Variants in UNC13C observed in about 807,000 individuals in gnomAD.
UNC13C encodes unc-13 homolog C, also known as protein unc-13 homolog C.
A neutral mutation model predicts 245.4 loss-of-function variants in UNC13C; 174 were observed. That is an observed-to-expected ratio of 0.71 (90% CI 0.63 to 0.80). The LOEUF is 0.80. UNC13C is among the 30% of genes least tolerant of loss of function. The probability of loss-of-function intolerance (pLI) is 0.00; values close to 1 mark genes in which losing one functional copy is unlikely to be tolerated. For synonymous variants in UNC13C, 992 were observed against 895.1 expected, an observed-to-expected ratio of 1.11 and a Z score of -1.93; for missense variants, 2,829 against 2,602.9, an observed-to-expected ratio of 1.09 and a Z score of -1.89.
intron 10 of UNC13C, among the ~76,000 whole-genome samples, chr15:54,280,727 T>TATGTATACATACATATATAAAC (rs1567156825): frequency 1.7e-5 from 2 of 115,876 alleles, no homozygotes; most frequent in Non-Finnish European, 3.9e-5. Flanking sequence ...TATATAAACA[T>TATGTATACATACATATATAAAC]ATGTATACAT....
intron 2 of UNC13C, among the ~76,000 whole-genome samples, chr15:54,114,367 C>T (rs1400019484): frequency 1.3e-5 from 2 of 152,102 alleles, no homozygotes; most frequent in Non-Finnish European, 2.9e-5. Flanking sequence ...AATGTCCATC[C>T]TTCCAGGTTA....
intron 13 of UNC13C, among the ~76,000 whole-genome samples, chr15:54,316,587 C>T (rs898105582): frequency 6.6e-6 from 1 of 151,824 alleles, no homozygotes; most frequent in Non-Finnish European, 1.5e-5. Context: ...ATGACCGATT[C>T]CCCCAGCAGT....
intron 10 of UNC13C, among the ~76,000 whole-genome samples, chr15:54,268,965 G>A (rs939498741): frequency 6.6e-6 from 1 of 151,362 alleles, no homozygotes; most frequent in Non-Finnish European, 1.5e-5. Flanking sequence ...ACCTCTAGCT[G>A]CCTTGGTCTT....
chr15:54,095,617 A>G (rs1899816119), intron 2 of UNC13C, among the ~76,000 whole-genome samples: 1 of 152,186 alleles, frequency 6.6e-6, no homozygotes, highest in African/African-American at 2.4e-5. Flanking sequence ...CTCATCCCAG[A>G]CCTACTGAAT....
At chr15:53,894,250 G>A in the UNC13C span, among the ~76,000 whole-genome samples, 13 of 152,290 alleles carry the variant, frequency 8.5e-5, no homozygotes, top group Admixed American at 4.6e-4. Flanking sequence ...TGTGTCAATC[G>A]CGCTGGGAGC....
intron 19 of UNC13C, among the ~76,000 whole-genome samples, chr15:54,440,288 T>A (rs1429902042): frequency 6.6e-6 from 1 of 152,152 alleles, no homozygotes; most frequent in African/African-American, 2.4e-5. Flanking sequence ...TTAAACTTAT[T>A]TCCTTTATAA....
rs1242198336 is a variant in UNC13C, at chr15:54,463,275, G to C, written c.4934-31333G>C. On this transcript the variant is annotated intron_variant, in intron 19 of 32. Coordinates refer to ENST00000260323, the MANE Select transcript of UNC13C (RefSeq NM_001080534.3). ...TCAGTAGAATGTGGGCGGGGGGGGG[G>C]GGGGGGGCCGGTCAGGTAAGGGAAT... 1.0e-4 allele frequency among the ~76,000 whole-genome samples: 8 copies of C among 76,502 alleles called. 1 individual carries two copies. The highest frequency in any genetic ancestry group is 9.2e-4 in the East Asian group (1 of 1,086). 50.2% of individuals were successfully genotyped at this position (76,502 alleles called of 152,430 possible).
At chr15:53,846,318 G>T in the UNC13C span, among the ~76,000 whole-genome samples, 3 of 152,182 alleles carry the variant, frequency 2.0e-5, no homozygotes, top group Non-Finnish European at 2.9e-5. Flanking sequence ...ATGAATCTAT[G>T]CGATTGGTAA....
chr15:53,955,158 A>G, the UNC13C span, among the ~76,000 whole-genome samples: 1 of 152,142 alleles, frequency 6.6e-6, no homozygotes, highest in Non-Finnish European at 1.5e-5. Context: ...TCTAGATAAT[A>G]TCTTCAATTA....
intron 2 of UNC13C, among the ~76,000 whole-genome samples, chr15:54,105,263 C>T (rs1246648224): frequency 6.6e-6 from 1 of 152,074 alleles, no homozygotes; most frequent in African/African-American, 2.4e-5. Flanking sequence ...AGTCTAACTG[C>T]CCGTGATGGT....
chr15:54,048,577 A>T (rs1478905961), intron 2 of UNC13C: 6 of 418,790 alleles, frequency 1.4e-5, no homozygotes, highest in Admixed American at 3.1e-5. Context: ...ATGTACTGAA[A>T]CTTATCAATT....
At chr15:54,133,794 G>A (rs1011713297) in intron 2 of UNC13C, among the ~76,000 whole-genome samples, 1 of 151,972 alleles carries the variant, frequency 6.6e-6, no homozygotes, top group Non-Finnish European at 1.5e-5. Context: ...CACAATATCT[G>A]TATATACATA....
chr15:54,224,842 C>A (rs2035329485), intron 4 of UNC13C, among the ~76,000 whole-genome samples: 1 of 152,066 alleles, frequency 6.6e-6, no homozygotes, highest in South Asian at 2.1e-4. Flanking sequence ...TTGGTCTGTT[C>A]AGGTCTTGAA....
At chr15:53,981,517 T>G (rs927625916) in intron 1 of UNC13C, among the ~76,000 whole-genome samples, 1 of 152,160 alleles carries the variant, frequency 6.6e-6, no homozygotes, top group African/African-American at 2.4e-5. Flanking sequence ...AGCAAAAAAT[T>G]GCAAATTCAA....
intron 17 of UNC13C, among the ~76,000 whole-genome samples, chr15:54,372,196 T>A (rs908937916): frequency 1.3e-5 from 2 of 152,126 alleles, no homozygotes; most frequent in Non-Finnish European, 2.9e-5. Context: ...AAACATCATA[T>A]TGTGTACCAT....
Position 54,267,737 on chromosome 15 carries a change from G to T in UNC13C, c.3818+2241G>T, listed in dbSNP as rs549272145. Among the ~76,000 whole-genome samples, 7 of 151,906 alleles carry T rather than the reference G, an allele frequency of 4.6e-5. No homozygotes were observed. The South Asian group carries it at 1.5e-3, about 32-fold the overall frequency. ...GTACAATTGGTTTATGATTTCACAT[G>T]GTGTAATATTCTTCCTTTTTCTAGT... is the stretch of plus-strand genomic sequence containing the variant. On this transcript the variant is annotated intron_variant, in intron 10 of 32. Transcript: ENST00000260323.
chr15:54,338,195 CAG>C (rs1175902088), intron 16 of UNC13C, among the ~76,000 whole-genome samples, 164 bp from the exon 17 acceptor site: 1 of 152,060 alleles, frequency 6.6e-6, no homozygotes, highest in African/African-American at 2.4e-5. Context: ...GTTTTTATAT[CAG>C]AAAGTTAAAA....
the UNC13C span, among the ~76,000 whole-genome samples, chr15:53,918,279 CCA>C: frequency 0.11 from 16,230 of 152,140 alleles, 1,186 homozygotes; most frequent in East Asian, 0.32. Context: ...AGCTGCAGCT[CCA>C]GGGAGATGAG....
At position 54,250,432 on chromosome 15, in the gene UNC13C, G is replaced by A. The variant is rs770318277; in HGVS notation, c.3436G>A (p.Asp1146Asn). The change falls in exon 8 of 33, where the codon GAC (aspartate) becomes AAC (asparagine). Residue 1146 changes from aspartate to asparagine, a missense_variant. Asp to Asn is a conservative substitution (Grantham distance 23, BLOSUM62 1). Transcript: ENST00000260323. Reference sequence around the variant, plus strand: ...AAAGTGTCAGGACCTGCTAAACGCTGACTGCTTGCAGAGTGAGTACTTGGT... The same window carrying A: ...AAAGTGTCAGGACCTGCTAAACGCTAACTGCTTGCAGAGTGAGTACTTGGT... ...HEKCQDLLNA[D>N]CLQRAAEKSS... 7 of 1,608,836 alleles carry A rather than the reference G, an allele frequency of 4.4e-6. No individual in the cohort carries two copies. Among genetic ancestry groups the A allele is most frequent in the Admixed American group, 3.4e-5 (2 of 59,440 alleles).
Sources: gnomAD v4.1 joint callset for allele counts (sites outside exome capture counted in the v4.1 genomes callset) on GRCh38, gnomAD v4.1.1 for gene constraint, MANE v1.5 for transcripts, NCBI Gene and HGNC (gene_info 2026-07-23, HGNC 2026-07-21) for gene names.